The following ZNF732 variants were observed in gnomAD, a reference collection of about 807,000 sequenced individuals.
ZNF732 encodes the protein zinc finger protein 732, also known as zinc finger protein LOC654254.
In ZNF732, 12 loss-of-function variants were observed where a neutral mutation model predicts 11.5. The observed-to-expected ratio is 1.05, with a 90% confidence interval of 0.67 to 1.70. The LOEUF (loss-of-function observed/expected upper bound fraction) is 1.70, where lower values mean the gene tolerates loss of function less well. Ranked by LOEUF, ZNF732 falls within the 40% of genes most tolerant of loss-of-function variation. The pLI is 0.00. For missense variants in ZNF732, 702 were observed against 676.9 expected, an observed-to-expected ratio of 1.04 and a Z score of -0.41; for synonymous variants, 231 against 236.5, an observed-to-expected ratio of 0.98 and a Z score of 0.21.
chr4:297,630 A>G (rs1177654706), intron 1 of ZNF732, among the ~76,000 whole-genome samples: 1 of 150,936 alleles, frequency 6.6e-6, no homozygotes. Context: ...AAAAAAAAAA[A>G]AACTGCAGGG....
intron 3 of ZNF732, among the ~76,000 whole-genome samples, chr4:286,721 G>T (rs1719738904): frequency 6.6e-6 from 1 of 152,200 alleles, no homozygotes; most frequent in African/African-American, 2.4e-5. Flanking sequence ...TTAGGATGGG[G>T]TATATGTGCA....
At chr4:288,056 T>C (rs1278491272) in intron 3 of ZNF732, among the ~76,000 whole-genome samples, 1 of 152,238 alleles carries the variant, frequency 6.6e-6, no homozygotes, top group African/African-American at 2.4e-5. Flanking sequence ...ATAATTGTTA[T>C]ATGTATTTCA....
rs1719414652 is a variant in ZNF732, at chr4:272,650, A to G, written c.227-20T>C. The G allele has an allele frequency of 6.7e-7, 1 of 1,485,282 alleles. No homozygotes were observed. Among genetic ancestry groups the G allele is most frequent in the South Asian group, 1.5e-5 (1 of 67,592 alleles). 92.0% of individuals were successfully genotyped at this position (1,485,282 alleles called of 1,614,324 possible). On this transcript the variant is annotated intron_variant, in intron 3 of 3. Transcript: ENST00000419098. Reference sequence around the variant, plus strand: ...ACACAGCTGAAAGAAATAAAAATAAATTATCCTGCTTACTAGATTCATACG... The same window carrying G: ...ACACAGCTGAAAGAAATAAAAATAAGTTATCCTGCTTACTAGATTCATACG...
chr4:299,371 GTATA>G (rs782754403), intron 1 of ZNF732, among the ~76,000 whole-genome samples: 2,266 of 60,806 alleles, frequency 0.037, 73 homozygotes, highest in Non-Finnish European at 0.055. Flanking sequence ...ACACATATGT[GTATA>G]TATATATACA....
intron 1 of ZNF732, among the ~76,000 whole-genome samples, chr4:299,380 T>C (rs572971576): frequency 1.3e-3 from 127 of 101,410 alleles, no homozygotes; most frequent in African/African-American, 3.6e-3. Context: ...TGTATATATA[T>C]ATACACATAT....
At chr4:283,895 A>C (rs956196034) in intron 3 of ZNF732, among the ~76,000 whole-genome samples, 42 of 152,232 alleles carry the variant, frequency 2.8e-4, no homozygotes, top group Middle Eastern at 3.4e-3. Flanking sequence ...GACTGAAATC[A>C]TATCAACTTG....
chr4:304,327 G>A (rs1422389513), intron 1 of ZNF732, among the ~76,000 whole-genome samples: 1 of 151,846 alleles, frequency 6.6e-6, no homozygotes, highest in Non-Finnish European at 1.5e-5. Flanking sequence ...AAGGAGACCT[G>A]GAGGAAAAGG....
intron 3 of ZNF732, among the ~76,000 whole-genome samples, chr4:294,320 T>A (rs1327940241): frequency 6.6e-6 from 1 of 152,352 alleles, no homozygotes; most frequent in Admixed American, 6.5e-5. Context: ...CTTTCTAAAA[T>A]GATACGTTGC....
At chr4:299,399 A>ATG (rs1472351802) in intron 1 of ZNF732, among the ~76,000 whole-genome samples, 84 of 45,102 alleles carry the variant, frequency 1.9e-3, no homozygotes, top group Non-Finnish European at 3.5e-3. Flanking sequence ...ATGTACACAT[A>ATG]TGTGTATATA....
chr4:298,778 G>A (rs1416494441), intron 1 of ZNF732, among the ~76,000 whole-genome samples: 1 of 152,196 alleles, frequency 6.6e-6, no homozygotes, highest in Non-Finnish European at 1.5e-5. Flanking sequence ...GAGGCAAGGG[G>A]AAGGACAAAA....
intron 3 of ZNF732, among the ~76,000 whole-genome samples, chr4:294,156 A>G (rs979407916): frequency 2.6e-4 from 39 of 152,138 alleles, no homozygotes; most frequent in African/African-American, 9.4e-4. Context: ...GCCCCCCACC[A>G]TGCCCAGCTA....
chr4:302,462 C>T (rs1422475670), intron 1 of ZNF732, among the ~76,000 whole-genome samples: 2 of 152,056 alleles, frequency 1.3e-5, no homozygotes, highest in East Asian at 3.9e-4. Flanking sequence ...TGTAATTTCA[C>T]CTAGTAATCT....
chr4:283,748 A>T (rs186961008), intron 3 of ZNF732, among the ~76,000 whole-genome samples: 2 of 152,290 alleles, frequency 1.3e-5, no homozygotes, highest in African/African-American at 2.4e-5. Flanking sequence ...AAACAACTGC[A>T]CCAAAAGACA....
intron 3 of ZNF732, among the ~76,000 whole-genome samples, chr4:291,645 G>T (rs553539788): frequency 1.3e-5 from 2 of 152,156 alleles, no homozygotes; most frequent in African/African-American, 4.8e-5. Flanking sequence ...GTATATTTTC[G>T]AAAGTGATTT....
Position 274,152 on chromosome 4 carries a change from T to C in ZNF732, c.227-1522A>G, listed in dbSNP as rs1719445791. Among the ~76,000 whole-genome samples, 3 of 151,758 alleles carry C rather than the reference T, an allele frequency of 2.0e-5. No individual in the cohort carries two copies. The South Asian group carries it at 6.2e-4, about 31-fold the overall frequency. On this transcript the variant is annotated intron_variant, in intron 3 of 3. Coordinates refer to ENST00000419098, the MANE Select transcript of ZNF732 (RefSeq NM_001137608.3). ...TACAGAAAATATTGTAATTATTCTC[T>C]AAAATTTTAAAGAGGAAAGCATAAA...
intron 3 of ZNF732, among the ~76,000 whole-genome samples, chr4:281,929 A>G (rs1263741788): frequency 6.6e-6 from 1 of 152,226 alleles, no homozygotes; most frequent in Non-Finnish European, 1.5e-5. Context: ...ATAAGATGCA[A>G]AAGTACACAT....
At chr4:280,002 T>A (rs1553839472) in intron 3 of ZNF732, among the ~76,000 whole-genome samples, 2 of 152,134 alleles carry the variant, frequency 1.3e-5, no homozygotes, top group African/African-American at 4.8e-5. Flanking sequence ...TGAAACCCAA[T>A]GATTTTTATT....
chr4:288,993 T>C (rs916934530), intron 3 of ZNF732, among the ~76,000 whole-genome samples: 2 of 152,220 alleles, frequency 1.3e-5, no homozygotes, highest in African/African-American at 2.4e-5. Context: ...AAATAGAGAT[T>C]TAATTCGCTC....
In ZNF732 at chr4:277,700, C is replaced by T. The variant is rs1177865607; in HGVS notation, c.227-5070G>A. Among the ~76,000 whole-genome samples the T allele has an allele frequency of 7.9e-5, 12 of 152,042 alleles. 1 individual carries two copies. Among genetic ancestry groups the T allele is most frequent in the African/African-American group, 2.9e-4 (12 of 41,512 alleles). ...AAAAAAAACAAGTATCACAGGATAA[C>T]ATATATTTAAACAATCAACAAATGG... On this transcript the variant is annotated intron_variant, in intron 3 of 3. Transcript: ENST00000419098.
Sources: allele counts gnomAD v4.1 joint callset (sites outside exome capture counted in the v4.1 genomes callset), GRCh38; gene constraint gnomAD v4.1.1; transcripts MANE v1.5; gene names NCBI Gene and HGNC (gene_info 2026-07-23, HGNC 2026-07-21).